Variants in DSEL observed in about 807,000 individuals in gnomAD.
DSEL encodes the protein dermatan-sulfate epimerase-like protein.
DSEL carries 61 observed loss-of-function variants against 96.6 expected under a neutral mutation model. That is an observed-to-expected ratio of 0.63 (90% CI 0.51 to 0.78). DSEL has a LOEUF of 0.78. Ranked by LOEUF, DSEL falls within the 30% of genes least tolerant of loss-of-function variation. DSEL has a pLI of 0.00. For missense variants in DSEL, 1,320 were observed against 1,430.8 expected, an observed-to-expected ratio of 0.92 and a Z score of 1.25; for synonymous variants, 514 against 502.0, an observed-to-expected ratio of 1.02 and a Z score of -0.32.
At position 67,514,133 on chromosome 18, in the gene DSEL, A is replaced by G; in HGVS notation, c.476T>C (p.Leu159Pro). ...MDRMVGYKDWLVENAPGDEVP... is the reference protein window; with the variant it reads ...MDRMVGYKDWPVENAPGDEVP... ...CTCATCTCCTGGTGCATTCTCTACT[A>G]GCCAGTCTTTGTAGCCAACCATCCT... is the stretch of plus-strand genomic sequence containing the variant. The change falls in exon 2 of 2, where the codon CTA becomes CCA. Residue 159 changes from leucine (L) to proline (P), a missense_variant. This residue lies in a region of DSEL where 323 missense variants were observed against 333.1 expected (regional missense o/e 0.97). Coordinates refer to ENST00000310045, the MANE Select transcript of DSEL (RefSeq NM_032160.3). 2 of 1,614,220 alleles carry G rather than the reference A, an allele frequency of 1.2e-6. No homozygotes were observed. The highest frequency in any genetic ancestry group is 1.7e-6 in the Non-Finnish European group (2 of 1,180,036).
At position 67,511,688 on chromosome 18, in the gene DSEL, A is replaced by G. The variant is rs780238748; in HGVS notation, c.2921T>C (p.Met974Thr). The G allele has an allele frequency of 8.1e-6, 13 of 1,614,112 alleles. No individual in the cohort carries two copies. Among genetic ancestry groups the G allele is most frequent in the Middle Eastern group, 1.6e-4 (1 of 6,062 alleles). ...AGCATCTCTATCAAAGGCGCCTTTC[A>G]TTTGACTTCTTTGTTCTGGCAAAGA... ...RESLPEQRSQ[M>T]KGAFDRDAEY... The change falls in exon 2 of 2, where the codon ATG becomes ACG. Residue 974 changes from methionine (M) to threonine (T), a missense_variant. By Grantham distance (81) the Met-to-Thr change is moderately conservative (BLOSUM62 -1). This residue lies in a region of DSEL where 986 missense variants were observed against 1,066.4 expected (regional missense o/e 0.92). Transcript: ENST00000310045.
In DSEL at chr18:67,507,035, G is replaced by A. The variant is rs1036071911; in HGVS notation, c.*3935C>T. ...AAGCAGCTAATAGCCCACATATTAAGTGTCTTGATATCTTAGAATGTCAGG... is the reference window on the plus strand; with the variant it reads ...AAGCAGCTAATAGCCCACATATTAAATGTCTTGATATCTTAGAATGTCAGG... On this transcript the variant is annotated 3_prime_UTR_variant, in exon 2 of 2. Transcript: ENST00000310045. The A allele has an allele frequency of 1.5e-4, 23 of 152,094 alleles. No individual in the cohort carries two copies. Among genetic ancestry groups the A allele is most frequent in the African/African-American group, 5.3e-4 (22 of 41,420 alleles). 9.4% of individuals were successfully genotyped at this position (152,094 alleles called of 1,614,324 possible).
chr18:67,508,905 C>CT lies in DSEL; in HGVS notation c.*2064dup, dbSNP rs71171184. ...CACCACGCCCGGCTAATTTTTTGTA[C>CT]TTTTTTTTTTAGTAGAGACGGGGTT... On this transcript the variant is annotated 3_prime_UTR_variant, in exon 2 of 2. Coordinates refer to ENST00000310045, the MANE Select transcript of DSEL (RefSeq NM_032160.3). 72 of 149,922 alleles carry CT rather than the reference C, an allele frequency of 4.8e-4. No individual in the cohort carries two copies. Among genetic ancestry groups the CT allele is most frequent in the African/African-American group, 1.5e-3 (63 of 40,744 alleles). The allele number at this position is 149,922 out of a possible 1,614,324, so 9.3% of individuals were successfully genotyped here.
In DSEL at chr18:67,508,127, AT is replaced by A. The variant is rs1381749399; in HGVS notation, c.*2842del. The A allele has an allele frequency of 3.3e-5, 5 of 152,194 alleles. No homozygotes were observed. The highest frequency in any genetic ancestry group is 4.8e-5 in the African/African-American group (2 of 41,426). 9.4% of individuals were successfully genotyped at this position (152,194 alleles called of 1,614,324 possible). A position where few individuals can be genotyped will look rare whatever the true frequency, so the allele number is the denominator to read the frequency against. On this transcript the variant is annotated 3_prime_UTR_variant, in exon 2 of 2. Coordinates refer to ENST00000310045, the MANE Select transcript of DSEL (RefSeq NM_032160.3). The stretch of plus-strand genomic sequence containing the variant: ...GGGAAGTTAATGTAGAAAAAGACGG[AT>A]TTTACAGATAAGAAATTTTGTAAGT...
rs1273102181 is a variant in DSEL, at chr18:67,511,634, AG to A, written c.2974del (p.Leu992TrpfsTer13). The A allele has an allele frequency of 6.2e-7, 1 of 1,614,220 alleles. No homozygotes were observed. The highest frequency in any genetic ancestry group is 1.7e-5 in the Admixed American group (1 of 60,036). ...AGGACGTGCACTTGGATAGTAAACC[AG>A]GTGTCTCCTCAAAGCCCTAATATAT... ...AEYIRALRRH[L>X]VYYPSARPVL... On this transcript the variant is annotated frameshift_variant, in exon 2 of 2. Coordinates refer to ENST00000310045, the MANE Select transcript of DSEL (RefSeq NM_032160.3). LOFTEE classifies it high-confidence loss of function.
At position 67,513,441 on chromosome 18, in the gene DSEL, T is replaced by C; in HGVS notation, c.1168A>G (p.Ile390Val). 2 of 1,614,108 alleles carry C rather than the reference T, an allele frequency of 1.2e-6. No individual in the cohort carries two copies. The highest frequency in any genetic ancestry group is 1.1e-5 in the South Asian group (1 of 91,074). ...GGTGTGAGCTGGGGATCATACCAGA[T>C]GTATTCAGTGTGAAGAGTACTCCAC... ...QRWSTLHTEY[I>V]WYDPQLTPQP... The change falls in exon 2 of 2, where the codon ATC (isoleucine) becomes GTC (valine). Residue 390 changes from isoleucine to valine, a missense_variant. Transcript: ENST00000310045.
rs1598977185 is a variant in DSEL, at chr18:67,508,237, T to A, written c.*2733A>T. The A allele has an allele frequency of 6.6e-6, 1 of 152,200 alleles. No homozygotes were observed. The highest frequency in any genetic ancestry group is 2.4e-5 in the African/African-American group (1 of 41,522). 9.4% of individuals were successfully genotyped at this position (152,200 alleles called of 1,614,324 possible). On this transcript the variant is annotated 3_prime_UTR_variant, in exon 2 of 2. Coordinates refer to ENST00000310045, the MANE Select transcript of DSEL (RefSeq NM_032160.3). ...AAATAAGAGTAGAAGCTATTTAAAA[T>A]TTTCCTAGATCACCCTAAGGGTGCA...
In DSEL at chr18:67,514,831, C is replaced by T. The variant is rs1296595021; in HGVS notation, c.-223G>A. On this transcript the variant is annotated 5_prime_UTR_variant, in exon 2 of 2. Coordinates refer to ENST00000310045, the MANE Select transcript of DSEL (RefSeq NM_032160.3). ...TATCTCTGTCCCTGGCACAGTTTTG[C>T]TTCCAGTAAAACTTTGAATAACGTT... 1.1e-5 allele frequency: 6 copies of T among 523,910 alleles called. No individual in the cohort carries two copies. The highest frequency in any genetic ancestry group is 2.0e-5 in the Non-Finnish European group (6 of 294,680). The allele number at this position is 523,910 out of a possible 1,614,324, so 32.5% of individuals were successfully genotyped here.
At position 67,511,809 on chromosome 18, in the gene DSEL, A is replaced by G; in HGVS notation, c.2800T>C (p.Leu934=). Residue 934 remains leucine, a synonymous_variant, in exon 2 of 2, where the codon TTG becomes CTG. Coordinates refer to ENST00000310045, the MANE Select transcript of DSEL (RefSeq NM_032160.3). The part of the protein sequence containing the change: ...QSLVQDTKLH[L]QNIHLHEPNR... ...GGTTCATGCAGATGGATGTTTTGCA[A>G]ATGTAATTTTGTGTCCTGGACTAAA... 2 of 1,614,170 alleles carry G rather than the reference A, an allele frequency of 1.2e-6. No individual in the cohort carries two copies. Among genetic ancestry groups the G allele is most frequent in the Non-Finnish European group, 1.7e-6 (2 of 1,180,030 alleles).
At position 67,512,186 on chromosome 18, in the gene DSEL, A is replaced by T. The variant is rs1340931534; in HGVS notation, c.2423T>A (p.Val808Asp). ...RKLMRWILIL[V>D]IALWFIELLD... is the part of the protein sequence containing the mutation. ...AAGCTCAATAAACCACAAGGCAATA[A>T]CAAGTATTAATATCCATCGCATTAG... Residue 808 changes from valine (V) to aspartate (D), a missense_variant, in exon 2 of 2, where the codon GTT (valine) becomes GAT (aspartate). Transcript: ENST00000310045. 6.2e-7 allele frequency: 1 copy of T among 1,614,256 alleles called. No homozygotes were observed. The highest frequency in any genetic ancestry group is 1.7e-5 in the Admixed American group (1 of 60,028).
rs2089411940 is a variant in DSEL at position 67,506,690 on chromosome 18, G to A, written c.*4280C>T. 6.6e-6 allele frequency: 1 copy of A among 151,892 alleles called. No homozygotes were observed. Among genetic ancestry groups the A allele is most frequent in the Non-Finnish European group, 1.5e-5 (1 of 67,978 alleles). The allele number at this position is 151,892 out of a possible 1,614,324, so 9.4% of individuals were successfully genotyped here. A position where few individuals can be genotyped will look rare whatever the true frequency, so the allele number is the denominator to read the frequency against. On this transcript the variant is annotated 3_prime_UTR_variant, in exon 2 of 2. Transcript: ENST00000310045. Reference sequence around the variant, plus strand: ...GTCTGTTTCCAGTGCTGCATAACTAGATAACGTATGAAGGAAAAACGACGA... The same window carrying A: ...GTCTGTTTCCAGTGCTGCATAACTAAATAACGTATGAAGGAAAAACGACGA...
In DSEL at chr18:67,513,083, C is replaced by G; in HGVS notation, c.1526G>C (p.Ser509Thr). The G allele has an allele frequency of 6.2e-7, 1 of 1,614,148 alleles. No homozygotes were observed. Among genetic ancestry groups the G allele is most frequent in the South Asian group, 1.1e-5 (1 of 91,074 alleles). ...ACCTTCCCAGGGCTTATTACACTGG[C>G]TTGAGGGTGATGGAGCAAACACCAA... ...NVLVFAPSPS[S>T]QCNKPWEGQL... Residue 509 changes from serine (S) to threonine (T), a missense_variant, in exon 2 of 2, where the codon AGC (serine) becomes ACC (threonine). Coordinates refer to ENST00000310045, the MANE Select transcript of DSEL (RefSeq NM_032160.3).
In DSEL at chr18:67,512,471, T is replaced by C; in HGVS notation, c.2138A>G (p.His713Arg). 2 of 1,614,106 alleles carry C rather than the reference T, an allele frequency of 1.2e-6. No individual in the cohort carries two copies. Among genetic ancestry groups the C allele is most frequent in the Non-Finnish European group, 8.5e-7 (1 of 1,179,964 alleles). The change falls in exon 2 of 2, where the codon CAT becomes CGT. Residue 713 changes from histidine to arginine, a missense_variant. By Grantham distance (29) the His-to-Arg change is conservative (BLOSUM62 0). Transcript: ENST00000310045. ...GTAATCAGTTACAATAGAAACAACA[T>C]GTTCAGTATTATTGACATTGAGAGA... is the stretch of plus-strand genomic sequence containing the variant. The part of the protein sequence containing the change: ...QISLNVNNTE[H>R]VVSIVTDYHN...
chr18:67,513,708 T>C lies in DSEL; in HGVS notation c.901A>G (p.Asn301Asp), dbSNP rs905924726. The C allele has an allele frequency of 6.2e-7, 1 of 1,614,174 alleles. No homozygotes were observed. Residue 301 changes from asparagine (N) to aspartate (D), a missense_variant, in exon 2 of 2, where the codon AAC becomes GAC. Coordinates refer to ENST00000310045, the MANE Select transcript of DSEL (RefSeq NM_032160.3). ...VFLAQRHFNI[N>D]NLDNNWLKMH... is the part of the protein sequence containing the mutation. ...TTTAACCAGTTATTATCCAAGTTGTTGATATTAAAATGGCGCTGGGCCAGA... is the reference window on the plus strand; with the variant it reads ...TTTAACCAGTTATTATCCAAGTTGTCGATATTAAAATGGCGCTGGGCCAGA...
rs535908126 is a variant in DSEL, at chr18:67,510,190, G to A, written c.*780C>T. 4 of 152,322 alleles carry A rather than the reference G, an allele frequency of 2.6e-5. No homozygotes were observed. The South Asian group carries it at 8.3e-4, about 32-fold the overall frequency. The allele number at this position is 152,322 out of a possible 1,614,324, so 9.4% of individuals were successfully genotyped here. A position where few individuals can be genotyped will look rare whatever the true frequency, so the allele number is the denominator to read the frequency against. Reference sequence around the variant, plus strand: ...AGAAAGGATAGGATGGGAGTGATGTGATGGCGAACAGCTGTAGCTCCAGGG... The same window carrying A: ...AGAAAGGATAGGATGGGAGTGATGTAATGGCGAACAGCTGTAGCTCCAGGG... On this transcript the variant is annotated 3_prime_UTR_variant, in exon 2 of 2. Transcript: ENST00000310045.
In DSEL at chr18:67,511,691, T is replaced by C. The variant is rs749629624; in HGVS notation, c.2918A>G (p.Gln973Arg). 3.1e-6 allele frequency: 5 copies of C among 1,614,182 alleles called. No individual in the cohort carries two copies. The highest frequency in any genetic ancestry group is 1.3e-5 in the African/African-American group (1 of 75,070). Residue 973 changes from glutamine to arginine, a missense_variant, in exon 2 of 2, where the codon CAA becomes CGA. Physicochemically the swap from Gln to Arg is conservative, Grantham distance 43. Around this residue, in one of 3 missense-constraint regions of DSEL, gnomAD observed 986 missense variants for 1,066.4 expected, o/e 0.92. Transcript: ENST00000310045. Reference protein sequence around the residue: ...RRESLPEQRSQMKGAFDRDAE... With the variant: ...RRESLPEQRSRMKGAFDRDAE... Reference sequence around the variant, plus strand: ...ATCTCTATCAAAGGCGCCTTTCATTTGACTTCTTTGTTCTGGCAAAGACTC... The same window carrying C: ...ATCTCTATCAAAGGCGCCTTTCATTCGACTTCTTTGTTCTGGCAAAGACTC...
chr18:67,507,910 A>G lies in DSEL; in HGVS notation c.*3060T>C, dbSNP rs2089419356. ...TTCCTATTTCCTCTGAGTTTTCATT[A>G]AATTCAACTCTGAATATGGCCTTTT... On this transcript the variant is annotated 3_prime_UTR_variant, in exon 2 of 2. Coordinates refer to ENST00000310045, the MANE Select transcript of DSEL (RefSeq NM_032160.3). The G allele has an allele frequency of 1.3e-5, 2 of 152,198 alleles. No homozygotes were observed. Among genetic ancestry groups the G allele is most frequent in the African/African-American group, 4.8e-5 (2 of 41,458 alleles). The allele number at this position is 152,198 out of a possible 1,614,324, so 9.4% of individuals were successfully genotyped here.
chr18:67,515,777 G>T (rs1337801171), intron 1 of DSEL, among the ~76,000 whole-genome samples: 1 of 152,126 alleles, frequency 6.6e-6, no homozygotes, highest in Non-Finnish European at 1.5e-5. Flanking sequence ...CGCCACTAAC[G>T]TGGCTTCAGT....
chr18:67,511,283 G>T lies in DSEL; in HGVS notation c.3326C>A (p.Ala1109Glu), dbSNP rs745744933. Residue 1109 changes from alanine (A) to glutamate (E), a missense_variant, in exon 2 of 2, where the codon GCA becomes GAA. Ala to Glu is a moderately radical substitution (Grantham distance 107). Around this residue, in one of 3 missense-constraint regions of DSEL, gnomAD observed 986 missense variants for 1,066.4 expected, o/e 0.92. Coordinates refer to ENST00000310045, the MANE Select transcript of DSEL (RefSeq NM_032160.3). ...LSHLWLANTAAALRINTDLLP... is the reference protein window; with the variant it reads ...LSHLWLANTAEALRINTDLLP... ...CAAATCTGTATTTATTCTCAAGGCT[G>T]CTGCTGTATTTGCTAGCCACAAGTG... 6.2e-7 allele frequency: 1 copy of T among 1,610,260 alleles called. No individual in the cohort carries two copies. Among genetic ancestry groups the T allele is most frequent in the Non-Finnish European group, 8.5e-7 (1 of 1,179,986 alleles).
Sources: gnomAD v4.1 joint callset for allele counts (sites outside exome capture counted in the v4.1 genomes callset) on GRCh38, gnomAD v4.1.1 for gene constraint, gnomAD v4.1.1 regional missense constraint, MANE v1.5 for transcripts, NCBI Gene and HGNC (gene_info 2026-07-23, HGNC 2026-07-21) for gene names.